The following TRIM49 variants were observed in gnomAD, a reference collection of about 807,000 sequenced individuals.
TRIM49 encodes the protein tripartite motif containing 49, also known as tripartite motif-containing protein 49.
In TRIM49, 5 loss-of-function variants were observed where a neutral mutation model predicts 27.4. The ratio of observed to expected loss-of-function variants is 0.18; its 90% CI spans 0.10 to 0.38. The LOEUF (loss-of-function observed/expected upper bound fraction) is 0.38, where lower values mean the gene tolerates loss of function less well. Ranked by LOEUF, TRIM49 falls within the 10% of genes least tolerant of loss-of-function variation. The probability of loss-of-function intolerance (pLI) is 1.00; values close to 1 mark genes in which losing one functional copy is unlikely to be tolerated. For synonymous variants in TRIM49, 69 were observed against 166.0 expected (o/e 0.42, Z 4.49); for missense variants, 188 against 487.5 (o/e 0.39, Z 5.79).
intron 2 of TRIM49, among the ~76,000 whole-genome samples, chr11:89,805,639 A>G (rs531599059): frequency 0.019 from 2,920 of 151,186 alleles, 78 homozygotes; most frequent in African/African-American, 0.068. Context: ...TTTCCTGATG[A>G]ATTCTGTCCC....
At chr11:89,791,295 T>C in the TRIM49 span, among the ~76,000 whole-genome samples, 1,013 of 152,138 alleles carry the variant, frequency 6.7e-3, 8 homozygotes, top group African/African-American at 0.023. Context: ...ATGGGGAGTA[T>C]GGATACGAGT....
At chr11:89,806,995 A>C (rs1447009187) in intron 2 of TRIM49, 104 bp downstream of exon 2, 1 of 149,904 alleles carries the variant, frequency 6.7e-6, no homozygotes, top group Non-Finnish European at 1.5e-5. Context: ...TGAGTTACAA[A>C]TGGTATCATT....
the TRIM49 span, among the ~76,000 whole-genome samples, chr11:89,779,863 GTCT>G: frequency 4.8e-5 from 5 of 104,024 alleles, 1 homozygote; most frequent in East Asian, 1.3e-3. Context: ...AGGGCCTGAG[GTCT>G]TCTTCTCTTT....
At chr11:89,800,414 A>C (rs562690441) in intron 6 of TRIM49, among the ~76,000 whole-genome samples, 14 of 151,678 alleles carry the variant, frequency 9.2e-5, no homozygotes, top group South Asian at 2.1e-4. Context: ...ACAAAAAAAA[A>C]CTTATCTTTC....
chr11:89,785,917 T>A, the TRIM49 span: 1 of 142,144 alleles, frequency 7.0e-6, no homozygotes, highest in African/African-American at 2.9e-5. Context: ...TCCCGGACGG[T>A]GCCGCGATCC....
chr11:89,796,691 C>T (rs1949692067), downstream of TRIM49, among the ~76,000 whole-genome samples: 2 of 149,698 alleles, frequency 1.3e-5, no homozygotes, highest in Non-Finnish European at 3.0e-5. Context: ...TCAATTTTAT[C>T]GTTTAAATTG....
At chr11:89,801,096 C>A in intron 5 of TRIM49, 108 bp from the exon 6 acceptor site, 2 of 1,464,192 alleles carry the variant, frequency 1.4e-6, no homozygotes, top group Non-Finnish European at 1.8e-6. Context: ...ATTTCCCTAC[C>A]ATCTTCTCTT....
chr11:89,796,221 GTT>G (rs1203199080), downstream of TRIM49, among the ~76,000 whole-genome samples: 1 of 151,886 alleles, frequency 6.6e-6, no homozygotes, highest in African/African-American at 2.4e-5. Flanking sequence ...ATTGGTTTGT[GTT>G]ATATCAAGTA....
At chr11:89,791,870 C>T in the TRIM49 span, among the ~76,000 whole-genome samples, 1 of 151,080 alleles carries the variant, frequency 6.6e-6, no homozygotes, top group East Asian at 2.0e-4. Context: ...ATCATAATGA[C>T]AGGATCAAAT....
chr11:89,805,793 C>G (rs1463374800), intron 2 of TRIM49, among the ~76,000 whole-genome samples: 2 of 148,996 alleles, frequency 1.3e-5, no homozygotes, highest in African/African-American at 2.5e-5. Flanking sequence ...TCTCGGCTCA[C>G]TGTAACCTCC....
the TRIM49 span, among the ~76,000 whole-genome samples, chr11:89,773,286 T>C: frequency 2.4e-5 from 3 of 126,150 alleles, 1 homozygote; most frequent in Admixed American, 2.2e-4. Context: ...TATGTACATA[T>C]ATATGTAAAG....
downstream of TRIM49, among the ~76,000 whole-genome samples, chr11:89,796,024 C>A (rs1949685798): frequency 6.6e-6 from 1 of 151,818 alleles, no homozygotes; most frequent in Admixed American, 6.6e-5. Context: ...CTATTCATAG[C>A]AGATTCTGGT....
At chr11:89,790,777 G>A in the TRIM49 span, among the ~76,000 whole-genome samples, 20 of 148,782 alleles carry the variant, frequency 1.3e-4, no homozygotes, top group Non-Finnish European at 2.5e-4. Flanking sequence ...CCCAAAGGTA[G>A]ATAAAACCAC....
chr11:89,767,922 A>T, the TRIM49 span, among the ~76,000 whole-genome samples: 1 of 137,388 alleles, frequency 7.3e-6, no homozygotes, highest in Non-Finnish European at 1.5e-5. Context: ...ATGAAATTGT[A>T]TCACGATTGA....
At chr11:89,793,009 A>C (rs2134624605), downstream of TRIM49, among the ~76,000 whole-genome samples, 1 of 152,218 alleles carries the variant, frequency 6.6e-6, no homozygotes, top group South Asian at 2.1e-4. Context: ...AAGACTAATA[A>C]AGAAGAAAAG....
chr11:89,804,225 A>C lies in TRIM49; in HGVS notation c.245T>G (p.Leu82Arg). The C allele has an allele frequency of 1.2e-6, 2 of 1,609,078 alleles. No homozygotes were observed. The highest frequency in any genetic ancestry group is 1.7e-6 in the Non-Finnish European group (2 of 1,178,148). ...CTCCTCAGAGCTCAGGAATAGCCAG[A>C]GACTGACTTTTCTGGCAAGAGAAGC... Reference protein sequence around the residue: ...KMASLARKVSLWLFLSSEEQM... With the variant: ...KMASLARKVSRWLFLSSEEQM... The change falls in exon 3 of 8, where the codon CTC becomes CGC. Residue 82 changes from leucine to arginine, a missense_variant. Transcript: ENST00000329758.
At chr11:89,772,187 C>G in the TRIM49 span, among the ~76,000 whole-genome samples, 4 of 137,692 alleles carry the variant, frequency 2.9e-5, no homozygotes, top group Non-Finnish European at 4.5e-5. Flanking sequence ...AATATATTTT[C>G]TTTTTATTTT....
the TRIM49 span, among the ~76,000 whole-genome samples, chr11:89,780,056 TAAA>T: frequency 3.6e-5 from 3 of 82,910 alleles, no homozygotes; most frequent in Non-Finnish European, 2.7e-5. Flanking sequence ...GGTGGGAGGT[TAAA>T]AAAAAAAAAA....
the TRIM49 span, among the ~76,000 whole-genome samples, chr11:89,772,267 C>T: frequency 2.3e-4 from 31 of 136,220 alleles, 3 homozygotes; most frequent in African/African-American, 6.0e-4. Flanking sequence ...ATAAAATATG[C>T]GTTAATCAAC....
Sources: gnomAD v4.1 joint callset for allele counts (sites outside exome capture counted in the v4.1 genomes callset) on GRCh38, gnomAD v4.1.1 for gene constraint, MANE v1.5 for transcripts, NCBI Gene and HGNC (gene_info 2026-07-23, HGNC 2026-07-21) for gene names.